SPTLC3: variants seen among roughly 807,000 people sequenced by gnomAD.
The protein encoded by SPTLC3 is serine palmitoyltransferase long chain base subunit 3.
In SPTLC3, 36 loss-of-function variants were observed where a neutral mutation model predicts 59.3. That is an observed-to-expected ratio of 0.61 (90% confidence interval 0.47 to 0.80). SPTLC3 has a LOEUF of 0.80. SPTLC3 is among the 30% of genes least tolerant of loss of function. The pLI, the probability that SPTLC3 is intolerant of heterozygous loss-of-function variation, is 0.00. For missense variants in SPTLC3, 625 were observed against 685.1 expected, an observed-to-expected ratio of 0.91 and a Z score of 0.98; for synonymous variants, 257 against 240.8, an observed-to-expected ratio of 1.07 and a Z score of -0.62.
chr20:13,032,516 T>C (rs1048604457), intron 1 of SPTLC3, among the ~76,000 whole-genome samples: 2 of 152,162 alleles, frequency 1.3e-5, no homozygotes, highest in Non-Finnish European at 2.9e-5. Flanking sequence ...GTATATACCA[T>C]TCAAGGCCCA....
chr20:13,126,756 C>G, intron 9 of SPTLC3, 39 bp downstream of exon 9: 1 of 1,609,882 alleles, frequency 6.2e-7, no homozygotes, highest in Non-Finnish European at 8.5e-7. Context: ...CTGGACCTCT[C>G]TGTCTCCCTT....
At chr20:13,142,152 T>C (rs1234068708) in intron 9 of SPTLC3, among the ~76,000 whole-genome samples, 2 of 152,212 alleles carry the variant, frequency 1.3e-5, no homozygotes, top group African/African-American at 2.4e-5. Flanking sequence ...AATTCTGCAG[T>C]TGATTTGAGT....
intron 8 of SPTLC3, among the ~76,000 whole-genome samples, chr20:13,121,534 G>A (rs2037866621): frequency 6.6e-6 from 1 of 152,096 alleles, no homozygotes; most frequent in African/African-American, 2.4e-5. Context: ...AAACAATCAG[G>A]GTTTTGAACT....
chr20:13,098,669 T>C (rs1402367622), intron 6 of SPTLC3, among the ~76,000 whole-genome samples: 2 of 152,214 alleles, frequency 1.3e-5, no homozygotes, highest in African/African-American at 4.8e-5. Context: ...ATGTTAGCTG[T>C]TGTTATTTAG....
chr20:13,028,100 T>C (rs1412038954), intron 1 of SPTLC3, among the ~76,000 whole-genome samples: 2 of 152,326 alleles, frequency 1.3e-5, no homozygotes, highest in Non-Finnish European at 1.5e-5. Context: ...GTTGGAACTC[T>C]TGGGTTCTTG....
chr20:13,121,026 A>G (rs1014179042), intron 8 of SPTLC3, among the ~76,000 whole-genome samples: 5 of 152,354 alleles, frequency 3.3e-5, no homozygotes, highest in African/African-American at 1.2e-4. Flanking sequence ...TCTTTGAAGG[A>G]AAGCCTAAGC....
chr20:13,055,270 A>C (rs1987671888), intron 2 of SPTLC3, among the ~76,000 whole-genome samples: 2 of 151,930 alleles, frequency 1.3e-5, no homozygotes, highest in Non-Finnish European at 2.9e-5. Context: ...GAAACAGTTA[A>C]ATCAAGCAGG....
chr20:13,153,594 AG>A (rs1456266749), intron 9 of SPTLC3, among the ~76,000 whole-genome samples: 14 of 152,180 alleles, frequency 9.2e-5, no homozygotes, highest in Non-Finnish European at 1.6e-4. Flanking sequence ...TTAGCTAAAA[AG>A]CATCTACCAA....
At chr20:13,128,871 ATTTTT>A (rs35981991) in intron 9 of SPTLC3, among the ~76,000 whole-genome samples, 4 of 114,226 alleles carry the variant, frequency 3.5e-5, no homozygotes, top group African/African-American at 7.2e-5. Context: ...TGCCCAGCTA[ATTTTT>A]TTTTTTTTTT....
chr20:13,111,724 C>T (rs1376369912), intron 7 of SPTLC3, among the ~76,000 whole-genome samples: 1 of 152,168 alleles, frequency 6.6e-6, no homozygotes, highest in Non-Finnish European at 1.5e-5. Flanking sequence ...CGTGGGAACA[C>T]AGATCAGCTG....
intron 2 of SPTLC3, among the ~76,000 whole-genome samples, chr20:13,070,863 T>G (rs985803750): frequency 1.3e-5 from 2 of 152,210 alleles, no homozygotes; most frequent in East Asian, 1.9e-4. Flanking sequence ...ATTTTATTCT[T>G]ATCAATTCTT....
intron 1 of SPTLC3, among the ~76,000 whole-genome samples, chr20:13,023,775 G>A (rs1032050975): frequency 2.0e-5 from 3 of 152,168 alleles, no homozygotes; most frequent in Non-Finnish European, 2.9e-5. Flanking sequence ...CAAGCTTGGA[G>A]GTAGGGAGCA....
chr20:13,143,467 CA>C (rs1247481321), intron 9 of SPTLC3, among the ~76,000 whole-genome samples: 1 of 152,152 alleles, frequency 6.6e-6, no homozygotes, highest in East Asian at 1.9e-4. Flanking sequence ...TCATGATTCC[CA>C]TTTTACAATG....
At chr20:13,018,442 G>T (rs1353809314) in intron 1 of SPTLC3, among the ~76,000 whole-genome samples, 1 of 152,138 alleles carries the variant, frequency 6.6e-6, no homozygotes, top group Non-Finnish European at 1.5e-5. Flanking sequence ...AACCAGAGAT[G>T]AGTGTCCGGC....
chr20:13,038,463 G>A (rs1316116705), intron 1 of SPTLC3, among the ~76,000 whole-genome samples: 1 of 151,914 alleles, frequency 6.6e-6, no homozygotes, highest in Admixed American at 6.6e-5. Context: ...CTAATATGTT[G>A]ACATATAATT....
At chr20:13,140,504 G>A (rs1205032772) in intron 9 of SPTLC3, among the ~76,000 whole-genome samples, 1 of 152,100 alleles carries the variant, frequency 6.6e-6, no homozygotes, top group Non-Finnish European at 1.5e-5. Context: ...TATCAGGATG[G>A]AGCTAATATT....
chr20:13,090,411 G>C (rs1000781253), intron 4 of SPTLC3, among the ~76,000 whole-genome samples: 1 of 152,024 alleles, frequency 6.6e-6, no homozygotes, highest in Non-Finnish European at 1.5e-5. Flanking sequence ...TAGTTTTATT[G>C]GTATCTATGG....
At chr20:13,078,316 A>G (rs970800893) in intron 4 of SPTLC3, among the ~76,000 whole-genome samples, 1 of 150,928 alleles carries the variant, frequency 6.6e-6, no homozygotes, top group Non-Finnish European at 1.5e-5. Flanking sequence ...AGGGATCAAA[A>G]TAATAGTTCA....
intron 2 of SPTLC3, 50 bp from the exon 3 acceptor site, chr20:13,072,206 A>C (rs773648157): frequency 5.1e-5 from 79 of 1,549,084 alleles, no homozygotes; most frequent in Non-Finnish European, 6.2e-5. Flanking sequence ...TTGTAAGTGA[A>C]ATCCAGAAAG....
Sources: gnomAD v4.1 joint callset for allele counts (sites outside exome capture counted in the v4.1 genomes callset) on GRCh38, gnomAD v4.1.1 for gene constraint, MANE v1.5 for transcripts, NCBI Gene and HGNC (gene_info 2026-07-23, HGNC 2026-07-21) for gene names.